WIPF2: variants seen among roughly 807,000 people sequenced by gnomAD.
WIPF2 encodes the protein WAS/WASL interacting protein family member 2, also known as WAS/WASL-interacting protein family member 2.
WIPF2 carries 23 observed loss-of-function variants against 38.8 expected under a neutral mutation model. The observed-to-expected ratio is 0.59, with a 90% CI of 0.43 to 0.84. WIPF2 has a LOEUF of 0.84. WIPF2 is among the 40% of genes least tolerant of loss of function. WIPF2 has a pLI of 0.00. For missense variants in WIPF2, 574 were observed against 580.5 expected (o/e 0.99, Z 0.11); for synonymous variants, 210 against 223.2 (o/e 0.94, Z 0.53).
intron 5 of WIPF2, among the ~76,000 whole-genome samples, chr17:40,272,405 A>G (rs1377853967): frequency 6.6e-6 from 1 of 152,188 alleles, no homozygotes; most frequent in African/African-American, 2.4e-5. Flanking sequence ...TACAGCTCTG[A>G]CTGATAAACT....
chr17:40,219,362 G>GGGAGGT lies in WIPF2; in HGVS notation c.-198_-197insAGGTGG. The GGGAGGT allele has an allele frequency of 2.6e-6, 1 of 378,472 alleles. No individual in the cohort carries two copies. Among genetic ancestry groups the GGGAGGT allele is most frequent in the Non-Finnish European group, 5.0e-6 (1 of 201,204 alleles). The allele number at this position is 378,472 out of a possible 1,614,324, so 23.4% of individuals were successfully genotyped here. A position where few individuals can be genotyped will look rare whatever the true frequency, so the allele number is the denominator to read the frequency against. The stretch of plus-strand genomic sequence containing the variant: ...AGATCCATTTCCGGGTTGGCAAAAG[G>GGGAGGT]GGCGGTGGCGGCGGCGGCGGCGGCG... On this transcript the variant is annotated 5_prime_UTR_variant, in exon 1 of 8. Transcript: ENST00000323571.
chr17:40,230,103 C>G (rs1374929374), intron 1 of WIPF2, among the ~76,000 whole-genome samples: 1 of 152,078 alleles, frequency 6.6e-6, no homozygotes, highest in Non-Finnish European at 1.5e-5. Context: ...TTTGGGAGAC[C>G]AAGGTGGGAG....
At chr17:40,240,355 G>T (rs183002878) in intron 1 of WIPF2, among the ~76,000 whole-genome samples, 1 of 151,990 alleles carries the variant, frequency 6.6e-6, no homozygotes, top group Non-Finnish European at 1.5e-5. Context: ...GTGAGCCACC[G>T]TGCCAGTCCC....
At chr17:40,238,284 G>A (rs1373186325) in intron 1 of WIPF2, among the ~76,000 whole-genome samples, 1 of 151,998 alleles carries the variant, frequency 6.6e-6, no homozygotes, top group Non-Finnish European at 1.5e-5. Context: ...ATTCTTAGCT[G>A]CTTATTCAAT....
intron 1 of WIPF2, among the ~76,000 whole-genome samples, chr17:40,236,952 C>A (rs879603386): frequency 4.6e-5 from 7 of 152,002 alleles, no homozygotes; most frequent in Non-Finnish European, 8.8e-5. Flanking sequence ...TGTTTTTTCT[C>A]TGGAAGACTT....
rs767882438 is a variant in WIPF2, at chr17:40,262,576, C to A, written c.248C>A (p.Pro83His). ...GYGSGGAALQPKGGLFQGGVL... is the reference protein window; with the variant it reads ...GYGSGGAALQHKGGLFQGGVL... ...GGCTCTGGAGGAGCTGCCCTGCAGC[C>A]CAAGGGAGGTCTCTTCCAAGGAGGA... is the stretch of plus-strand genomic sequence containing the variant. Residue 83 changes from proline (P) to histidine (H), a missense_variant, in exon 4 of 8, where the codon CCC (proline) becomes CAC (histidine). By Grantham distance (77) the Pro-to-His change is moderately conservative (BLOSUM62 -2). Transcript: ENST00000323571. 1.3e-5 allele frequency: 21 copies of A among 1,613,874 alleles called. No homozygotes were observed. The highest frequency in any genetic ancestry group is 1.8e-5 in the Non-Finnish European group (21 of 1,179,926).
chr17:40,274,059 C>T (rs2032319954), intron 6 of WIPF2, 60 bp downstream of exon 6: 1 of 1,385,458 alleles, frequency 7.2e-7, no homozygotes, highest in African/African-American at 1.5e-5. Flanking sequence ...CACTCCAGTG[C>T]CATGGCTGCT....
rs200746443 is a variant in WIPF2 at position 40,274,977 on chromosome 17, C to CAG, written c.1180+978_1180+979insAG. Among the ~76,000 whole-genome samples the CAG allele has an allele frequency of 7.7e-3, 1,136 of 148,166 alleles. 11 individuals carry two copies. The highest frequency in any genetic ancestry group is 0.015 in the Middle Eastern group (4 of 268). On this transcript the variant is annotated intron_variant, in intron 6 of 7. Transcript: ENST00000323571. ...AAAGTCGGCTGGGTGCAGTGGCTCACGCCTGTAATCGCAGTACTTTGGGAG... is the reference window on the plus strand; with the variant it reads ...AAAGTCGGCTGGGTGCAGTGGCTCACAGGCCTGTAATCGCAGTACTTTGGGAG...
At chr17:40,262,077 CT>C (rs34246534) in intron 3 of WIPF2, among the ~76,000 whole-genome samples, 78,451 of 122,388 alleles carry the variant, frequency 0.64, 24,427 homozygotes, top group African/African-American at 0.74. Flanking sequence ...TTTCTTTTCT[CT>C]TTTTTTTTTT....
chr17:40,265,134 A>G lies in WIPF2; in HGVS notation c.958A>G (p.Ser320Gly). Residue 320 changes from serine (S) to glycine (G), a missense_variant, in exon 5 of 8, where the codon AGT becomes GGT. Ser to Gly is a moderately conservative substitution (Grantham distance 56). Transcript: ENST00000323571. ...RPPPPARDPPSRGAAPPPPPP... is the reference protein window; with the variant it reads ...RPPPPARDPPGRGAAPPPPPP... ...ACCTCCCCCAGCCCGAGACCCTCCC[A>G]GTCGGGGAGCAGGTAAGTGCTTGGA... is the stretch of plus-strand genomic sequence containing the variant. 1 of 1,607,066 alleles carries G rather than the reference A, an allele frequency of 6.2e-7. No homozygotes were observed. Among genetic ancestry groups the G allele is most frequent in the African/African-American group, 1.3e-5 (1 of 74,818 alleles).
chr17:40,229,589 T>C (rs1174033481), intron 1 of WIPF2, among the ~76,000 whole-genome samples: 1 of 151,978 alleles, frequency 6.6e-6, no homozygotes, highest in Admixed American at 6.6e-5. Flanking sequence ...GGCTAATTTT[T>C]TCTGTATTTT....
At chr17:40,243,662 C>T (rs927098715) in intron 1 of WIPF2, among the ~76,000 whole-genome samples, 10 of 151,882 alleles carry the variant, frequency 6.6e-5, no homozygotes, top group South Asian at 2.1e-4. Context: ...TACAGGCATA[C>T]GCCACCACAC....
chr17:40,276,933 T>C, intron 6 of WIPF2, 150 bp from the exon 7 acceptor site: 1 of 649,258 alleles, frequency 1.5e-6, no homozygotes, highest in South Asian at 1.9e-5. Context: ...GCTGCTGCTG[T>C]TCTCAGGGTG....
chr17:40,228,982 C>T (rs1218112153), intron 1 of WIPF2, among the ~76,000 whole-genome samples: 5 of 151,516 alleles, frequency 3.3e-5, no homozygotes, highest in South Asian at 4.2e-4. Flanking sequence ...TGGCTCACTG[C>T]GACCTCCACC....
chr17:40,229,019 T>G (rs2030625382), intron 1 of WIPF2, among the ~76,000 whole-genome samples: 1 of 152,024 alleles, frequency 6.6e-6, no homozygotes, highest in Non-Finnish European at 1.5e-5. Context: ...TTCTCTTGCC[T>G]TAGCCTCCTA....
intron 1 of WIPF2, among the ~76,000 whole-genome samples, chr17:40,245,617 A>C (rs2031338211): frequency 6.6e-6 from 1 of 152,120 alleles, no homozygotes; most frequent in African/African-American, 2.4e-5. Context: ...TGTTGGGATT[A>C]CAGGTGTGAG....
intron 1 of WIPF2, among the ~76,000 whole-genome samples, chr17:40,240,884 G>T (rs2031165789): frequency 6.7e-6 from 1 of 149,718 alleles, no homozygotes. Flanking sequence ...GGTGGAGCTT[G>T]CAGTGAGCCG....
chr17:40,250,039 G>A (rs2031502165), intron 1 of WIPF2, among the ~76,000 whole-genome samples: 1 of 150,576 alleles, frequency 6.6e-6, no homozygotes, highest in Non-Finnish European at 1.5e-5. Flanking sequence ...TCACCATGTT[G>A]CCCAGGCTGG....
In WIPF2 at chr17:40,234,321, C is replaced by T. The variant is rs138404234; in HGVS notation, c.-70+14829C>T. Among the ~76,000 whole-genome samples the T allele has an allele frequency of 6.2e-3, 949 of 152,118 alleles. 10 individuals carry two copies. Among genetic ancestry groups the T allele is most frequent in the African/African-American group, 0.022 (904 of 41,490 alleles). On this transcript the variant is annotated intron_variant, in intron 1 of 7. Coordinates refer to ENST00000323571, the MANE Select transcript of WIPF2 (RefSeq NM_133264.5). ...GCGCATGCCTGTAGTCCCAGCTACT[C>T]GGGAGGCTGAGGCAGAAGAATTGCT...
Sources: gnomAD v4.1 joint callset for allele counts (sites outside exome capture counted in the v4.1 genomes callset) on GRCh38, gnomAD v4.1.1 for gene constraint, MANE v1.5 for transcripts, NCBI Gene and HGNC (gene_info 2026-07-23, HGNC 2026-07-21) for gene names.